SCYL2: variants seen among roughly 807,000 people sequenced by gnomAD.
SCYL2 encodes the protein SCY1 like pseudokinase 2, also known as SCY1-like protein 2.
SCYL2 carries 36 observed loss-of-function variants against 100.4 expected under a neutral mutation model. The ratio of observed to expected loss-of-function variants is 0.36; its 90% CI spans 0.27 to 0.47. SCYL2 has a LOEUF of 0.47. Ranked by LOEUF, SCYL2 falls within the 20% of genes least tolerant of loss-of-function variation. SCYL2 has a pLI of 1.00. For missense variants in SCYL2, 902 were observed against 1,083.9 expected, an observed-to-expected ratio of 0.83 and a Z score of 2.36; for synonymous variants, 330 against 359.2, an observed-to-expected ratio of 0.92 and a Z score of 0.92.
chr12:100,291,493 TTTTA>T lies in SCYL2; in HGVS notation c.178-5_178-2del. Reference sequence around the variant, plus strand: ...TTTCTTGACTAAAATTACACAATTCTTTTATTTAGGAAGTGGCAGTTTTTGTCTT... The same window carrying T: ...TTTCTTGACTAAAATTACACAATTCTTTTAGGAAGTGGCAGTTTTTGTCTT... On this transcript the variant is annotated splice_polypyrimidine_tract_variant and splice_region_variant and intron_variant, in intron 2 of 17. Coordinates refer to ENST00000360820, the MANE Select transcript of SCYL2 (RefSeq NM_017988.6). 6.7e-7 allele frequency: 1 copy of T among 1,488,806 alleles called. No homozygotes were observed. Among genetic ancestry groups the T allele is most frequent in the Non-Finnish European group, 9.1e-7 (1 of 1,101,034 alleles). 92.2% of individuals were successfully genotyped at this position (1,488,806 alleles called of 1,614,324 possible).
intron 8 of SCYL2, among the ~76,000 whole-genome samples, chr12:100,315,176 C>A (rs572460946): frequency 6.6e-6 from 1 of 152,172 alleles, no homozygotes; most frequent in East Asian, 1.9e-4. Context: ...GCTCTCAGGC[C>A]CTTATAGTAA....
intron 14 of SCYL2, among the ~76,000 whole-genome samples, chr12:100,334,668 CACAA>C (rs1170657302): frequency 6.6e-6 from 1 of 151,902 alleles, no homozygotes; most frequent in African/African-American, 2.4e-5. Context: ...TCTCCAGCCC[CACAA>C]ACATTTAGAG....
At position 100,306,817 on chromosome 12, in the gene SCYL2, A is replaced by G. The variant is rs187442421; in HGVS notation, c.481-4227A>G. Among the ~76,000 whole-genome samples, 125 of 152,194 alleles carry G rather than the reference A, an allele frequency of 8.2e-4. 1 individual carries two copies. The highest frequency in any genetic ancestry group is 6.8e-3 in the Middle Eastern group (2 of 294). ...AGCAAAGTCTCAGGATACAAAATCA[A>G]TAAAAAATAACAAGCATTCCTATGC... On this transcript the variant is annotated intron_variant, in intron 4 of 17. Transcript: ENST00000360820.
At chr12:100,293,338 T>C (rs1465892124) in intron 3 of SCYL2, among the ~76,000 whole-genome samples, 1 of 152,148 alleles carries the variant, frequency 6.6e-6, no homozygotes, top group African/African-American at 2.4e-5. Context: ...AGTTTCTGTC[T>C]GTTATGTAAT....
At chr12:100,291,930 TACAAGG>T in intron 3 of SCYL2, 1 of 332,000 alleles carries the variant, frequency 3.0e-6, no homozygotes, top group Non-Finnish European at 5.4e-6. Context: ...AAATAGAACA[TACAAGG>T]GTATAGAATA....
chr12:100,319,618 C>T (rs1383209271), intron 10 of SCYL2, among the ~76,000 whole-genome samples: 1 of 152,176 alleles, frequency 6.6e-6, no homozygotes, highest in Non-Finnish European at 1.5e-5. Flanking sequence ...CTCCTGGGTT[C>T]AAGCAGTTCT....
At chr12:100,308,208 A>C (rs1237530153) in intron 4 of SCYL2, among the ~76,000 whole-genome samples, 1 of 152,208 alleles carries the variant, frequency 6.6e-6, no homozygotes, top group Non-Finnish European at 1.5e-5. Flanking sequence ...TTGCAGCACT[A>C]TTCACAGTAG....
intron 2 of SCYL2, among the ~76,000 whole-genome samples, chr12:100,285,204 T>C (rs1384219143): frequency 2.0e-5 from 3 of 152,354 alleles, no homozygotes; most frequent in East Asian, 3.9e-4. Flanking sequence ...TCATTATCCC[T>C]AACCCCCTTC....
chr12:100,322,372 C>CAAAAAAAAAAAAAAAAAAA (rs34959294), intron 10 of SCYL2, among the ~76,000 whole-genome samples: 1 of 61,828 alleles, frequency 1.6e-5, no homozygotes, highest in Non-Finnish European at 3.3e-5. Flanking sequence ...GACTCCGTCT[C>CAAAAAAAAAAAAAAAAAAA]AAAAAAAAAA....
intron 2 of SCYL2, among the ~76,000 whole-genome samples, chr12:100,289,536 A>C (rs938089554): frequency 6.6e-6 from 1 of 152,166 alleles, no homozygotes; most frequent in African/African-American, 2.4e-5. Flanking sequence ...CTATCTTGTT[A>C]TTTCTATTAT....
At chr12:100,307,116 A>C (rs1251809083) in intron 4 of SCYL2, among the ~76,000 whole-genome samples, 2 of 152,206 alleles carry the variant, frequency 1.3e-5, no homozygotes, top group Non-Finnish European at 2.9e-5. Context: ...GCTACCACTG[A>C]TTTTCTTCAC....
chr12:100,274,249 A>G (rs575741578), intron 1 of SCYL2, among the ~76,000 whole-genome samples: 1 of 152,340 alleles, frequency 6.6e-6, no homozygotes, highest in Admixed American at 6.5e-5. Context: ...TTGCTTGTGT[A>G]TCCAATAATT....
chr12:100,329,164 G>A (rs766685413), intron 12 of SCYL2, 37 bp from the exon 13 acceptor site: 12 of 962,262 alleles, frequency 1.2e-5, no homozygotes, highest in Non-Finnish European at 2.0e-5. Context: ...AATTTATGGT[G>A]TTAACTTATA....
intron 10 of SCYL2, among the ~76,000 whole-genome samples, chr12:100,322,742 C>T (rs2096357504): frequency 6.6e-6 from 1 of 151,856 alleles, no homozygotes; most frequent in African/African-American, 2.4e-5. Flanking sequence ...TGCCTGTAAT[C>T]CCAACTACTG....
intron 2 of SCYL2, among the ~76,000 whole-genome samples, chr12:100,285,008 A>G (rs1460091646): frequency 1.3e-5 from 2 of 152,220 alleles, no homozygotes; most frequent in African/African-American, 4.8e-5. Flanking sequence ...TCTGTCTAAA[A>G]AAAATTGTGT....
At chr12:100,307,321 G>A (rs2096335838) in intron 4 of SCYL2, among the ~76,000 whole-genome samples, 1 of 152,042 alleles carries the variant, frequency 6.6e-6, no homozygotes, top group Non-Finnish European at 1.5e-5. Context: ...ACAGAACAGA[G>A]GCCTCAGAAA....
rs944775665 is a variant in SCYL2 at position 100,340,312 on chromosome 12, A to G, written c.*1140A>G. Reference sequence around the variant, plus strand: ...TAGGAAGGAAAGAATCAATTCTCTTAACAGGAAACATGCTTTATTTTTCAA... The same window carrying G: ...TAGGAAGGAAAGAATCAATTCTCTTGACAGGAAACATGCTTTATTTTTCAA... On this transcript the variant is annotated 3_prime_UTR_variant, in exon 18 of 18. Transcript: ENST00000360820. 38 of 152,290 alleles carry G rather than the reference A, an allele frequency of 2.5e-4. No individual in the cohort carries two copies. Among genetic ancestry groups the G allele is most frequent in the African/African-American group, 9.2e-4 (38 of 41,448 alleles). 9.4% of individuals were successfully genotyped at this position (152,290 alleles called of 1,614,324 possible). A position where few individuals can be genotyped will look rare whatever the true frequency, so the allele number is the denominator to read the frequency against.
At chr12:100,309,035 G>A (rs1334893898) in intron 4 of SCYL2, among the ~76,000 whole-genome samples, 1 of 152,064 alleles carries the variant, frequency 6.6e-6, no homozygotes, top group African/African-American at 2.4e-5. Flanking sequence ...CACTTCTTCA[G>A]TGCCTCTTTC....
intron 4 of SCYL2, among the ~76,000 whole-genome samples, chr12:100,301,363 G>A (rs1400037623): frequency 6.6e-6 from 1 of 151,560 alleles, no homozygotes; most frequent in Non-Finnish European, 1.5e-5. Context: ...TTTTTTCAAT[G>A]GAGTTGTTTG....
Sources: gnomAD v4.1 joint callset for allele counts (sites outside exome capture counted in the v4.1 genomes callset) on GRCh38, gnomAD v4.1.1 for gene constraint, MANE v1.5 for transcripts, NCBI Gene and HGNC (gene_info 2026-07-23, HGNC 2026-07-21) for gene names.